Variants in STXBP5L observed in about 807,000 individuals in gnomAD.
STXBP5L encodes the protein syntaxin-binding protein 5-like.
In STXBP5L, 65 loss-of-function variants were observed where a neutral mutation model predicts 144.5. That is an observed-to-expected ratio of 0.45 (90% CI 0.37 to 0.55). The LOEUF (loss-of-function observed/expected upper bound fraction) is 0.55, where lower values mean the gene tolerates loss of function less well. Among genes scored for constraint, STXBP5L ranks in the 20% least tolerant of loss-of-function variants. The pLI, the probability that STXBP5L is intolerant of heterozygous loss-of-function variation, is 0.00. For synonymous variants in STXBP5L, 505 were observed against 469.6 expected, an observed-to-expected ratio of 1.08 and a Z score of -0.97; for missense variants, 1,298 against 1,405.5, an observed-to-expected ratio of 0.92 and a Z score of 1.22.
Position 120,954,953 on chromosome 3 carries a change from G to A in STXBP5L, c.203G>A (p.Gly68Asp). The A allele has an allele frequency of 6.2e-7, 1 of 1,611,948 alleles. No homozygotes were observed. Among genetic ancestry groups the A allele is most frequent in the Non-Finnish European group, 8.5e-7 (1 of 1,178,784 alleles). ...GCTCTCTTTCAGACAGTTCGGCATG[G>A]TTTTCCTCATCAGCCCACAGCATTA... ...YFQICKTVRHGFPHQPTALAF... is the reference protein window; with the variant it reads ...YFQICKTVRHDFPHQPTALAF... The change falls in exon 3 of 27, where the codon GGT becomes GAT. Residue 68 changes from glycine to aspartate, a missense_variant. Physicochemically the swap from Gly to Asp is moderately conservative, Grantham distance 94. Transcript: ENST00000471454.
chr3:121,011,299 C>G (rs1944756114), intron 3 of STXBP5L, among the ~76,000 whole-genome samples: 1 of 151,394 alleles, frequency 6.6e-6, no homozygotes, highest in African/African-American at 2.4e-5. Flanking sequence ...GCTATACTCT[C>G]CCCAGTTCAG....
intron 19 of STXBP5L, among the ~76,000 whole-genome samples, chr3:121,307,087 A>G (rs937836059): frequency 2.6e-5 from 4 of 152,152 alleles, no homozygotes; most frequent in Non-Finnish European, 4.4e-5. Flanking sequence ...AAGCAACCTC[A>G]AAGTCTTCAC....
intron 3 of STXBP5L, among the ~76,000 whole-genome samples, chr3:120,993,407 C>A (rs905457530): frequency 2.6e-5 from 4 of 151,874 alleles, no homozygotes; most frequent in Non-Finnish European, 5.9e-5. Flanking sequence ...TGCAGTGTTT[C>A]CCCTATGTTT....
intron 2 of STXBP5L, among the ~76,000 whole-genome samples, chr3:120,912,348 C>T (rs1708883685): frequency 6.6e-6 from 1 of 151,888 alleles, no homozygotes; most frequent in African/African-American, 2.4e-5. Flanking sequence ...TTATTTGAAA[C>T]CACAGTAAAT....
chr3:121,355,592 T>C (rs1413353070), intron 20 of STXBP5L, among the ~76,000 whole-genome samples: 2 of 152,176 alleles, frequency 1.3e-5, no homozygotes, highest in South Asian at 2.1e-4. Flanking sequence ...TCTTCTAACC[T>C]TTTTTCAAGG....
intron 22 of STXBP5L, among the ~76,000 whole-genome samples, chr3:121,398,483 G>A (rs950895549): frequency 1.3e-5 from 2 of 152,220 alleles, no homozygotes; most frequent in Admixed American, 6.5e-5. Context: ...TCCCAAAATC[G>A]GGTTCCCATC....
chr3:121,158,490 C>G (rs1255258737), intron 9 of STXBP5L: 1 of 152,022 alleles, frequency 6.6e-6, no homozygotes, highest in Non-Finnish European at 1.5e-5. Flanking sequence ...TTTTTTTGTA[C>G]CATAGTTACA....
At chr3:121,189,971 C>T (rs1196810161) in intron 9 of STXBP5L, among the ~76,000 whole-genome samples, 2 of 152,108 alleles carry the variant, frequency 1.3e-5, no homozygotes, top group Non-Finnish European at 2.9e-5. Context: ...TCGATTATAT[C>T]TTTAAGCATC....
intron 20 of STXBP5L, among the ~76,000 whole-genome samples, chr3:121,343,374 C>T (rs538011401): frequency 6.6e-6 from 1 of 152,184 alleles, no homozygotes; most frequent in South Asian, 2.1e-4. Context: ...TCCTATTCAA[C>T]ATAGTGTTGG....
intron 20 of STXBP5L, among the ~76,000 whole-genome samples, chr3:121,328,612 T>C (rs866799427): frequency 6.6e-6 from 1 of 152,108 alleles, no homozygotes; most frequent in African/African-American, 2.4e-5. Flanking sequence ...TAGCCGGGCA[T>C]GGTGGCATGC....
chr3:121,139,700 A>G (rs1487257465), intron 7 of STXBP5L, among the ~76,000 whole-genome samples: 1 of 152,126 alleles, frequency 6.6e-6, no homozygotes, highest in Non-Finnish European at 1.5e-5. Context: ...AGAAAATGGT[A>G]CATATTCTAT....
At chr3:121,043,246 T>TTTCACAGA (rs1308316666) in intron 4 of STXBP5L, among the ~76,000 whole-genome samples, 2 of 152,154 alleles carry the variant, frequency 1.3e-5, no homozygotes, top group African/African-American at 4.8e-5. Context: ...TTTTAAGCAT[T>TTTCACAGA]TTCACAGATC....
chr3:121,035,251 G>C lies in STXBP5L; in HGVS notation c.288-6449G>C, dbSNP rs116298219. On this transcript the variant is annotated intron_variant, in intron 3 of 26. Transcript: ENST00000471454. ...TTGCCTATTTTTGTTTTTGTTGCTT[G>C]TGCTTTTGAGGTCTTAATAATGAAT... Among the ~76,000 whole-genome samples the C allele has an allele frequency of 1.3e-3, 191 of 152,130 alleles. 1 individual carries two copies. The highest frequency in any genetic ancestry group is 4.3e-3 in the African/African-American group (179 of 41,542).
chr3:121,238,989 T>C lies in STXBP5L; in HGVS notation c.1203T>C (p.Asn401=). The C allele has an allele frequency of 6.2e-7, 1 of 1,600,632 alleles. No homozygotes were observed. Among genetic ancestry groups the C allele is most frequent in the Non-Finnish European group, 8.5e-7 (1 of 1,174,336 alleles). Residue 401 remains asparagine, a synonymous_variant, in exon 13 of 27, where the codon AAT becomes AAC. Transcript: ENST00000471454. ...CTATTAGTTTTCCAATCTTTGAAAA[T>C]CCATATCCCATGGACATTCATGAAT... ...LTQSNFPIFE[N]PYPMDIHESP... is the part of the protein sequence containing the mutation.
At chr3:121,333,403 A>T (rs1042158344) in intron 20 of STXBP5L, among the ~76,000 whole-genome samples, 3 of 152,122 alleles carry the variant, frequency 2.0e-5, no homozygotes, top group Non-Finnish European at 2.9e-5. Context: ...TATAGCACTA[A>T]ATACCCACAT....
chr3:121,048,831 G>A (rs1002091024), intron 5 of STXBP5L, among the ~76,000 whole-genome samples: 1 of 152,068 alleles, frequency 6.6e-6, no homozygotes, highest in African/African-American at 2.4e-5. Context: ...GACTACAGGT[G>A]CTGGGAGCCC....
intron 5 of STXBP5L, among the ~76,000 whole-genome samples, chr3:121,062,922 G>C (rs936163667): frequency 6.6e-6 from 1 of 151,984 alleles, no homozygotes; most frequent in Non-Finnish European, 1.5e-5. Flanking sequence ...TTTTTTCTAG[G>C]TTCTTAGCTT....
intron 3 of STXBP5L, among the ~76,000 whole-genome samples, chr3:120,981,530 A>G (rs182939905): frequency 2.9e-4 from 44 of 152,186 alleles, no homozygotes; most frequent in African/African-American, 9.9e-4. Context: ...TAGTTCTAGA[A>G]GTTCTTTTTT....
At chr3:121,170,232 A>T in intron 9 of STXBP5L, among the ~76,000 whole-genome samples, 1 of 152,232 alleles carries the variant, frequency 6.6e-6, no homozygotes, top group East Asian at 1.9e-4. Context: ...AAATGCCCAC[A>T]GGAGAAAGTG....
Sources: gnomAD v4.1 joint callset for allele counts (sites outside exome capture counted in the v4.1 genomes callset) on GRCh38, gnomAD v4.1.1 for gene constraint, MANE v1.5 for transcripts, NCBI Gene and HGNC (gene_info 2026-07-23, HGNC 2026-07-21) for gene names.